EFHB: variants seen among roughly 807,000 people sequenced by gnomAD.
EFHB encodes EF-hand domain-containing family member B.
Under a neutral mutation model 87.2 loss-of-function variants are expected in EFHB, and 91 were observed. The ratio of observed to expected loss-of-function variants is 1.04; its 90% confidence interval spans 0.88 to 1.24. EFHB has a LOEUF of 1.24. Among genes scored for constraint, EFHB ranks in the 50% most tolerant of loss-of-function variants. The probability of loss-of-function intolerance (pLI) is 0.00; values close to 1 mark genes in which losing one functional copy is unlikely to be tolerated. For synonymous variants in EFHB, 325 were observed against 333.6 expected, an observed-to-expected ratio of 0.97 and a Z score of 0.28; for missense variants, 1,084 against 998.8, an observed-to-expected ratio of 1.09 and a Z score of -1.15.
chr3:19,938,693 C>A (rs1696078288), upstream of EFHB, among the ~76,000 whole-genome samples: 1 of 152,218 alleles, frequency 6.6e-6, no homozygotes, highest in Non-Finnish European at 1.5e-5. Context: ...CACCTTTACA[C>A]TGGCCTTCAT....
intron 1 of EFHB, 41 bp downstream of exon 1, chr3:19,933,189 A>G (rs1404825336): frequency 4.3e-5 from 68 of 1,568,318 alleles, no homozygotes; most frequent in Non-Finnish European, 5.9e-5. Context: ...AGACATGGCT[A>G]TACACAGTTT....
At chr3:19,935,304 T>C (rs946717385), upstream of EFHB, among the ~76,000 whole-genome samples, 26 of 152,210 alleles carry the variant, frequency 1.7e-4, no homozygotes, top group Admixed American at 1.2e-3. Flanking sequence ...TGTTTTTAAG[T>C]AGGAGATTTT....
Position 19,918,348 on chromosome 3 carries a change from T to C in EFHB, c.1061A>G (p.Glu354Gly). 1 of 1,611,834 alleles carries C rather than the reference T, an allele frequency of 6.2e-7. No individual in the cohort carries two copies. Among genetic ancestry groups the C allele is most frequent in the Non-Finnish European group, 8.5e-7 (1 of 1,179,208 alleles). ...TCGTCGATTGCTAAGATATATAGAT[T>C]CTTTTTTATCTTTAATTTTCTGTTG... ...TFQQKIKDKKESIYLSNRRAP... is the reference protein window; with the variant it reads ...TFQQKIKDKKGSIYLSNRRAP... The change falls in exon 4 of 13, where the codon GAA becomes GGA. Residue 354 changes from glutamate to glycine, a missense_variant. Physicochemically the swap from Glu to Gly is moderately conservative, Grantham distance 98. Coordinates refer to ENST00000295824, the MANE Select transcript of EFHB (RefSeq NM_144715.4).
chr3:19,928,483 G>A (rs115327171), intron 1 of EFHB, among the ~76,000 whole-genome samples: 3 of 152,242 alleles, frequency 2.0e-5, no homozygotes, highest in South Asian at 2.1e-4. Context: ...GCGGAGTCTC[G>A]CTCTGTCGCC....
At chr3:19,939,038 C>T (rs1265873291), upstream of EFHB, among the ~76,000 whole-genome samples, 3 of 152,084 alleles carry the variant, frequency 2.0e-5, no homozygotes, top group Non-Finnish European at 4.4e-5. Context: ...TCCCTTGTAG[C>T]TGAAACTACA....
Position 19,882,641 on chromosome 3 carries a change from T to TC in EFHB, c.2236dup (p.Glu746GlyfsTer3). 6.2e-7 allele frequency: 1 copy of TC among 1,613,754 alleles called. No individual in the cohort carries two copies. Among genetic ancestry groups the TC allele is most frequent in the Middle Eastern group, 1.7e-4 (1 of 6,060 alleles). ...ATATAGTAGTGAATATGCACTACCT[T>TC]CTTCACCATAATTAGTTCTGTCACT... On this transcript the variant is annotated frameshift_variant, in exon 12 of 13. Coordinates refer to ENST00000295824, the MANE Select transcript of EFHB (RefSeq NM_144715.4). LOFTEE classifies it high-confidence loss of function.
At chr3:19,923,263 G>C (rs1695501572) in intron 1 of EFHB, among the ~76,000 whole-genome samples, 1 of 149,480 alleles carries the variant, frequency 6.7e-6, no homozygotes, top group Non-Finnish European at 1.5e-5. Flanking sequence ...GTGAAACTCT[G>C]TCTCAAAAGG....
intron 5 of EFHB, among the ~76,000 whole-genome samples, chr3:19,911,478 A>G (rs765862810): frequency 6.6e-6 from 1 of 152,052 alleles, no homozygotes; most frequent in East Asian, 1.9e-4. Flanking sequence ...GAATCACTTG[A>G]ACCTGGGAGG....
At chr3:19,917,672 G>T (rs1695279828) in intron 4 of EFHB, among the ~76,000 whole-genome samples, 1 of 152,156 alleles carries the variant, frequency 6.6e-6, no homozygotes, top group Admixed American at 6.6e-5. Flanking sequence ...AATGGCCTGT[G>T]ATCAACTCTA....
chr3:19,896,278 C>G (rs1694477926), intron 9 of EFHB, among the ~76,000 whole-genome samples: 1 of 152,184 alleles, frequency 6.6e-6, no homozygotes, highest in Non-Finnish European at 1.5e-5. Context: ...GGTCCCACCC[C>G]AGAGTTCCTG....
chr3:19,917,141 T>A (rs1695260303), intron 4 of EFHB, among the ~76,000 whole-genome samples: 1 of 151,652 alleles, frequency 6.6e-6, no homozygotes, highest in South Asian at 2.1e-4. Context: ...GAGGCCAAGG[T>A]GGGAGAATCA....
In EFHB at chr3:19,915,313, A is replaced by C; in HGVS notation, c.1278T>G (p.Asp426Glu). The C allele has an allele frequency of 6.2e-7, 1 of 1,610,680 alleles. No homozygotes were observed. Among genetic ancestry groups the C allele is most frequent in the Non-Finnish European group, 8.5e-7 (1 of 1,177,432 alleles). ...GHDLYVVSHN[D>E]YYAGEAKNRK... ...TCGGAGGACACTTACCTGCATAATA[A>C]TCATTGTGAGAAACAACATACAAAT... is the stretch of plus-strand genomic sequence containing the variant. The change falls in exon 5 of 13, where the codon GAT becomes GAG. Residue 426 changes from aspartate to glutamate, a missense_variant. Asp to Glu is a conservative substitution (Grantham distance 45). Coordinates refer to ENST00000295824, the MANE Select transcript of EFHB (RefSeq NM_144715.4).
At chr3:19,906,381 C>T (rs1694844212) in intron 5 of EFHB, among the ~76,000 whole-genome samples, 2 of 151,958 alleles carry the variant, frequency 1.3e-5, no homozygotes. Context: ...AATACAAAAT[C>T]AACACATAAA....
intron 8 of EFHB, 89 bp from the exon 9 acceptor site, chr3:19,896,930 C>CTAGA: frequency 8.3e-7 from 1 of 1,208,174 alleles, no homozygotes; most frequent in Non-Finnish European, 1.1e-6. Flanking sequence ...ATCTAGCAAC[C>CTAGA]TCTGTGAATG....
At chr3:19,908,350 C>T (rs1403230979) in intron 5 of EFHB, among the ~76,000 whole-genome samples, 2 of 151,998 alleles carry the variant, frequency 1.3e-5, no homozygotes, top group South Asian at 4.1e-4. Flanking sequence ...CTGACCAACA[C>T]GGTGAAACCC....
chr3:19,935,321 A>C (rs1695986357), upstream of EFHB, among the ~76,000 whole-genome samples: 1 of 152,086 alleles, frequency 6.6e-6, no homozygotes, highest in Non-Finnish European at 1.5e-5. Context: ...TTTTTTTTTA[A>C]ATTGAGGTTT....
Position 19,890,886 on chromosome 3 carries a change from T to A in EFHB, c.1726-2235A>T, listed in dbSNP as rs561517145. 2.2e-4 allele frequency among the ~76,000 whole-genome samples: 34 copies of A among 152,306 alleles called. 1 individual carries two copies. Among genetic ancestry groups the A allele is most frequent in the Admixed American group, 1.0e-3 (16 of 15,294 alleles). The stretch of plus-strand genomic sequence containing the variant: ...GAACACTGGACCCATGGAGGCCTTC[T>A]GACTCTCCAGCCAATAATCATTTTG... On this transcript the variant is annotated intron_variant, in intron 9 of 12. Coordinates refer to ENST00000295824, the MANE Select transcript of EFHB (RefSeq NM_144715.4).
chr3:19,895,795 T>A (rs1040156796), intron 9 of EFHB, among the ~76,000 whole-genome samples: 23 of 152,176 alleles, frequency 1.5e-4, no homozygotes, highest in Non-Finnish European at 2.8e-4. Flanking sequence ...ATAAGGAAGA[T>A]GCATCTGACA....
Position 19,933,768 on chromosome 3 carries a change from A to G in EFHB, c.251T>C (p.Met84Thr), listed in dbSNP as rs1352640509. ...GTCGACTCCTAAACTACCCCTCTGC[A>G]TGACAGTCCTAGAAATATTCTGTCT... ...LERQNISRTV[M>T]QRGSLGVDSV... The change falls in exon 1 of 13, where the codon ATG (methionine) becomes ACG (threonine). Residue 84 changes from methionine to threonine, a missense_variant. Physicochemically the swap from Met to Thr is moderately conservative, Grantham distance 81. Transcript: ENST00000295824. 6.2e-7 allele frequency: 1 copy of G among 1,613,900 alleles called. No homozygotes were observed.
Sources: gnomAD v4.1 joint callset for allele counts (sites outside exome capture counted in the v4.1 genomes callset) on GRCh38, gnomAD v4.1.1 for gene constraint, MANE v1.5 for transcripts, NCBI Gene and HGNC (gene_info 2026-07-23, HGNC 2026-07-21) for gene names.